The following ZNF609 variants were observed in gnomAD, a reference collection of about 807,000 sequenced individuals.
ZNF609 encodes the protein zinc finger protein 609.
In ZNF609, 11 loss-of-function variants were observed where a neutral mutation model predicts 109.5. The ratio of observed to expected loss-of-function variants is 0.10; its 90% confidence interval spans 0.06 to 0.17. The LOEUF is 0.17. Ranked by LOEUF, ZNF609 falls within the 10% of genes least tolerant of loss-of-function variation. ZNF609 has a pLI of 1.00. For missense variants in ZNF609, 1,559 were observed against 1,772.4 expected, an observed-to-expected ratio of 0.88 and a Z score of 2.16; for synonymous variants, 646 against 662.0, an observed-to-expected ratio of 0.98 and a Z score of 0.37.
At chr15:64,524,433 A>G (rs920969941) in intron 2 of ZNF609, among the ~76,000 whole-genome samples, 21 of 152,112 alleles carry the variant, frequency 1.4e-4, no homozygotes, top group African/African-American at 4.8e-4. Context: ...GCGTGGTGGC[A>G]CATGCCTGTA....
At chr15:64,579,278 A>G (rs994107887) in intron 2 of ZNF609, among the ~76,000 whole-genome samples, 1 of 151,856 alleles carries the variant, frequency 6.6e-6, no homozygotes, top group Non-Finnish European at 1.5e-5. Flanking sequence ...GTGATGGTAC[A>G]TGCATGCCTA....
At chr15:64,597,449 G>T (rs1158245603) in intron 2 of ZNF609, among the ~76,000 whole-genome samples, 1 of 152,166 alleles carries the variant, frequency 6.6e-6, no homozygotes, top group African/African-American at 2.4e-5. Flanking sequence ...GTATTGTTTA[G>T]CTGACCTGCA....
chr15:64,465,141 G>C (rs1393317556), intron 1 of ZNF609, among the ~76,000 whole-genome samples: 2 of 152,108 alleles, frequency 1.3e-5, no homozygotes, highest in Non-Finnish European at 2.9e-5. Flanking sequence ...TCTAGTACTT[G>C]TTTATTAAAG....
intron 2 of ZNF609, among the ~76,000 whole-genome samples, chr15:64,574,453 A>C (rs1409736081): frequency 6.6e-6 from 1 of 152,132 alleles, no homozygotes; most frequent in Non-Finnish European, 1.5e-5. Flanking sequence ...GAATCTGCCC[A>C]AGGGACTTAA....
In ZNF609 at chr15:64,676,237, C is replaced by T; in HGVS notation, c.3383C>T (p.Pro1128Leu). Residue 1128 changes from proline to leucine, a missense_variant, in exon 5 of 10, where the codon CCA becomes CTA. Pro to Leu is a moderately conservative substitution (Grantham distance 98). Transcript: ENST00000326648. ...AECGRQAEMD[P>L]ILWYRQEAEP... Reference sequence around the variant, plus strand: ...TGTGGTCGACAGGCAGAGATGGATCCAATACTCTGGTACCGACAGGTAACT... The same window carrying T: ...TGTGGTCGACAGGCAGAGATGGATCTAATACTCTGGTACCGACAGGTAACT... 3 of 1,610,982 alleles carry T rather than the reference C, an allele frequency of 1.9e-6. No individual in the cohort carries two copies. The highest frequency in any genetic ancestry group is 2.5e-6 in the Non-Finnish European group (3 of 1,178,692).
intron 1 of ZNF609, among the ~76,000 whole-genome samples, chr15:64,495,766 T>C (rs773942285): frequency 2.6e-5 from 4 of 151,580 alleles, no homozygotes; most frequent in Non-Finnish European, 4.4e-5. Context: ...TTTTTTTTAG[T>C]GTTAAATCCT....
At chr15:64,492,242 C>T (rs1225995573) in intron 1 of ZNF609, among the ~76,000 whole-genome samples, 1 of 150,782 alleles carries the variant, frequency 6.6e-6, no homozygotes, top group African/African-American at 2.4e-5. Context: ...GACTCTGTCT[C>T]AAAGAAAAGA....
At chr15:64,555,886 CAAAAA>C (rs963732035) in intron 2 of ZNF609, among the ~76,000 whole-genome samples, 12 of 38,930 alleles carry the variant, frequency 3.1e-4, no homozygotes, top group African/African-American at 7.0e-4. Flanking sequence ...GACTCTGTCT[CAAAAA>C]AAAAAAAAAA....
At chr15:64,495,817 G>A (rs1893474249) in intron 1 of ZNF609, among the ~76,000 whole-genome samples, 1 of 145,018 alleles carries the variant, frequency 6.9e-6, no homozygotes, top group Non-Finnish European at 1.5e-5. Flanking sequence ...ATTTTAACCT[G>A]TTATCTTTTT....
Position 64,675,256 on chromosome 15 carries a change from A to G in ZNF609, c.2402A>G (p.Asn801Ser). The G allele has an allele frequency of 1.2e-6, 2 of 1,614,070 alleles. No homozygotes were observed. The highest frequency in any genetic ancestry group is 1.6e-4 in the Middle Eastern group (1 of 6,062). ...GACAAGATCTACAGTTTCACGGACA[A>G]TGCCCCCAGCCCTTCCATTGGAGGC... ...EADKIYSFTDNAPSPSIGGSS... is the reference protein window; with the variant it reads ...EADKIYSFTDSAPSPSIGGSS... Residue 801 changes from asparagine to serine, a missense_variant, in exon 5 of 10, where the codon AAT becomes AGT. Transcript: ENST00000326648.
At chr15:64,514,216 T>C (rs1033124314) in intron 2 of ZNF609, among the ~76,000 whole-genome samples, 2 of 152,210 alleles carry the variant, frequency 1.3e-5, no homozygotes, top group Non-Finnish European at 2.9e-5. Flanking sequence ...TCTTTCTTTT[T>C]TTGCCAGTTA....
intron 3 of ZNF609, among the ~76,000 whole-genome samples, chr15:64,648,013 C>T (rs1298075119): frequency 2.0e-5 from 3 of 152,138 alleles, no homozygotes; most frequent in Admixed American, 6.6e-5. Context: ...ATAGGTCAAA[C>T]GTAAAATCAA....
intron 1 of ZNF609, among the ~76,000 whole-genome samples, chr15:64,481,600 A>T (rs1205204403): frequency 6.6e-6 from 1 of 151,636 alleles, no homozygotes; most frequent in African/African-American, 2.4e-5. Context: ...GATTACAGGC[A>T]TGAGCCACCG....
chr15:64,627,950 A>G (rs1344039671), intron 3 of ZNF609, among the ~76,000 whole-genome samples: 1 of 147,774 alleles, frequency 6.8e-6, no homozygotes, highest in Non-Finnish European at 1.5e-5. Context: ...ATGAACCACC[A>G]TGCCCAGCCT....
At chr15:64,501,232 C>T (rs571116309) in intron 2 of ZNF609, 1 of 152,222 alleles carries the variant, frequency 6.6e-6, no homozygotes, top group Admixed American at 6.5e-5. Context: ...TACCTATTTC[C>T]ATATGTAAGT....
intron 3 of ZNF609, among the ~76,000 whole-genome samples, chr15:64,645,104 TC>T (rs1567038091): frequency 1.2e-4 from 10 of 82,748 alleles, no homozygotes; most frequent in Non-Finnish European, 1.6e-4. Context: ...CCTCCCTCCC[TC>T]CCTTCCTTCC....
At chr15:64,472,311 A>G (rs1354774589) in intron 1 of ZNF609, among the ~76,000 whole-genome samples, 6 of 152,382 alleles carry the variant, frequency 3.9e-5, no homozygotes, top group African/African-American at 7.2e-5. Context: ...ACCTTTGGCT[A>G]TCATACCACA....
intron 2 of ZNF609, among the ~76,000 whole-genome samples, chr15:64,595,356 G>A (rs1159498421): frequency 8.6e-5 from 12 of 139,634 alleles, no homozygotes; most frequent in African/African-American, 3.1e-4. Flanking sequence ...GGAAGATTCC[G>A]TCTCAAAAAA....
At chr15:64,580,241 T>G (rs1895075903) in intron 2 of ZNF609, among the ~76,000 whole-genome samples, 1 of 152,194 alleles carries the variant, frequency 6.6e-6, no homozygotes, top group Non-Finnish European at 1.5e-5. Flanking sequence ...TCCTAGAGCC[T>G]CCACAATGAA....
Sources: gnomAD v4.1 joint callset for allele counts (sites outside exome capture counted in the v4.1 genomes callset) on GRCh38, gnomAD v4.1.1 for gene constraint, MANE v1.5 for transcripts, NCBI Gene and HGNC (gene_info 2026-07-23, HGNC 2026-07-21) for gene names.